Variants in DZIP1L observed in about 807,000 individuals in gnomAD.
DZIP1L encodes cilium assembly protein DZIP1L.
DZIP1L carries 90 observed loss-of-function variants against 88.7 expected under a neutral mutation model. The ratio of observed to expected loss-of-function variants is 1.02; its 90% CI spans 0.86 to 1.21. DZIP1L has a LOEUF of 1.21. Among genes scored for constraint, DZIP1L ranks in the 50% most tolerant of loss-of-function variants. The pLI, the probability that DZIP1L is intolerant of heterozygous loss-of-function variation, is 0.00. For missense variants in DZIP1L, 932 were observed against 955.8 expected (o/e 0.98, Z 0.33); for synonymous variants, 363 against 372.1 (o/e 0.98, Z 0.28).
intron 2 of DZIP1L, chr3:138,101,393 CTG>C (rs904378736): frequency 4.7e-5 from 32 of 685,762 alleles, no homozygotes; most frequent in Admixed American, 1.5e-4. Context: ...CTCCCGTTCC[CTG>C]TGCTACCCTG....
intron 2 of DZIP1L, chr3:138,102,771 G>A: frequency 5.2e-6 from 4 of 767,772 alleles, no homozygotes; most frequent in South Asian, 4.1e-5. Flanking sequence ...CTCCGCCCAG[G>A]TCACCCCGGA....
In DZIP1L at chr3:138,102,386, G is replaced by C. The variant is rs772425939; in HGVS notation, c.501+1085C>G. On this transcript the variant is annotated intron_variant, in intron 2 of 15. Transcript: ENST00000327532. Reference sequence around the variant, plus strand: ...GCTTATTGATCTCATCCTCATACTTGTTCTCGAAGTCCTCCACCCAGCCCC... The same window carrying C: ...GCTTATTGATCTCATCCTCATACTTCTTCTCGAAGTCCTCCACCCAGCCCC... 289 of 1,240,920 alleles carry C rather than the reference G, an allele frequency of 2.3e-4. 1 individual carries two copies. The highest frequency in any genetic ancestry group is 2.0e-4 in the Non-Finnish European group (171 of 850,502). 76.9% of individuals were successfully genotyped at this position (1,240,920 alleles called of 1,614,324 possible).
At chr3:138,102,230 T>G (rs532091788) in intron 2 of DZIP1L, 105 of 1,415,344 alleles carry the variant, frequency 7.4e-5, no homozygotes, top group Admixed American at 1.7e-4. Flanking sequence ...GGATCTCCTC[T>G]TCATACAGCT....
rs1409549832 is a variant in DZIP1L, at chr3:138,067,516, A to C, written c.2002+15T>G. 1.9e-6 allele frequency: 3 copies of C among 1,579,632 alleles called. No individual in the cohort carries two copies. The highest frequency in any genetic ancestry group is 2.7e-5 in the African/African-American group (2 of 72,750). On this transcript the variant is annotated intron_variant, in intron 14 of 15. Coordinates refer to ENST00000327532, the MANE Select transcript of DZIP1L (RefSeq NM_173543.3). Reference sequence around the variant, plus strand: ...CCGGTGGTCCCAGCCCACTCACCCAAAGGTGCCAGCTCACCTGAGCCCTGG... The same window carrying C: ...CCGGTGGTCCCAGCCCACTCACCCACAGGTGCCAGCTCACCTGAGCCCTGG...
In DZIP1L at chr3:138,103,906, G is replaced by A. The variant is rs1456382657; in HGVS notation, c.66C>T (p.Pro22=). The A allele has an allele frequency of 6.2e-7, 1 of 1,613,784 alleles. No individual in the cohort carries two copies. Among genetic ancestry groups the A allele is most frequent in the African/African-American group, 1.3e-5 (1 of 75,076 alleles). The change falls in exon 2 of 16, where the codon CCC becomes CCT. Residue 22 remains proline (P), a synonymous_variant. Coordinates refer to ENST00000327532, the MANE Select transcript of DZIP1L (RefSeq NM_173543.3). ...CATGGCGAGGCTGAAACTTGAAGGT[G>A]GGGAACGTGTAGGCCCCAAAGAGGG... ...SGPLFGAYTF[P]TFKFQPRHDS... is the part of the protein sequence containing the mutation.
At position 138,064,705 on chromosome 3, in the gene DZIP1L, G is replaced by C. The variant is rs201438371; in HGVS notation, c.2065C>G (p.Pro689Ala). ...EKQLEAPAKK[P>A]AGGVSLFFMP... ...AAAAACAGACTGACCCCTCCAGCAG[G>C]CTTCTTTGCTGGAGCTTCTAGCTGC... is the stretch of plus-strand genomic sequence containing the variant. The change falls in exon 15 of 16, where the codon CCT becomes GCT. Residue 689 changes from proline to alanine, a missense_variant. Transcript: ENST00000327532. 5.6e-6 allele frequency: 9 copies of C among 1,611,006 alleles called. No homozygotes were observed. The African/African-American group carries it at 8.0e-5, about 14-fold the overall frequency.
At chr3:138,097,401 A>G (rs1944528488) in intron 3 of DZIP1L, among the ~76,000 whole-genome samples, 1 of 152,192 alleles carries the variant, frequency 6.6e-6, no homozygotes, top group Admixed American at 6.5e-5. Flanking sequence ...GGAACTGCAG[A>G]TTCGCAGAAG....
At chr3:138,072,483 C>A (rs943489525) in intron 11 of DZIP1L, among the ~76,000 whole-genome samples, 4 of 151,750 alleles carry the variant, frequency 2.6e-5, no homozygotes, top group Admixed American at 2.0e-4. Flanking sequence ...CTAAAATAAC[C>A]CTAGTTGTCT....
rs747685387 is a variant in DZIP1L, at chr3:138,084,261, G to A, written c.1063-8C>T. The A allele has an allele frequency of 1.4e-5, 23 of 1,612,350 alleles. No individual in the cohort carries two copies. Among genetic ancestry groups the A allele is most frequent in the South Asian group, 2.2e-5 (2 of 90,920 alleles). On this transcript the variant is annotated splice_polypyrimidine_tract_variant and splice_region_variant and intron_variant, in intron 7 of 15. Coordinates refer to ENST00000327532, the MANE Select transcript of DZIP1L (RefSeq NM_173543.3). ...CTGGTTCTCCTCCTGTAGCTGGCAG[G>A]CACAAGATGGCTGGTCAGTCAAATG...
chr3:138,092,940 G>A (rs1183519925), intron 4 of DZIP1L, among the ~76,000 whole-genome samples: 4 of 152,238 alleles, frequency 2.6e-5, no homozygotes, highest in South Asian at 2.1e-4. Flanking sequence ...AGTCATCCAC[G>A]ATGGCTAGAA....
chr3:138,067,396 G>T, intron 14 of DZIP1L, 135 bp downstream of exon 14: 1 of 1,046,830 alleles, frequency 9.6e-7, no homozygotes, highest in Non-Finnish European at 1.3e-6. Flanking sequence ...TCCTTTCCAA[G>T]CCAAATAGAG....
At position 138,075,008 on chromosome 3, in the gene DZIP1L, T is replaced by C. The variant is rs527818304; in HGVS notation, c.1422+2491A>G. On this transcript the variant is annotated intron_variant, in intron 11 of 15. Transcript: ENST00000327532. ...AAAAGCGAGCAGGAGTAGCTATTCT[T>C]ATAGCAGACAAAACAAACTTTAAAG... Among the ~76,000 whole-genome samples, 10 of 152,270 alleles carry C rather than the reference T, an allele frequency of 6.6e-5. No individual in the cohort carries two copies. The South Asian group carries it at 1.0e-3, about 16-fold the overall frequency.
rs146109164 is a variant in DZIP1L, at chr3:138,103,938, T to C, written c.34A>G (p.Ser12Gly). Reference protein sequence around the residue: ...QSPAATAEGLSGPLFGAYTFP... With the variant: ...QSPAATAEGLGGPLFGAYTFP... Reference sequence around the variant, plus strand: ...GTGTAGGCCCCAAAGAGGGGGCCACTGAGGCCCTCAGCAGTGGCAGCTGGG... The same window carrying C: ...GTGTAGGCCCCAAAGAGGGGGCCACCGAGGCCCTCAGCAGTGGCAGCTGGG... The change falls in exon 2 of 16, where the codon AGT (serine) becomes GGT (glycine). Residue 12 changes from serine (S) to glycine (G), a missense_variant. Ser to Gly is a moderately conservative substitution (Grantham distance 56). Coordinates refer to ENST00000327532, the MANE Select transcript of DZIP1L (RefSeq NM_173543.3). 3.7e-6 allele frequency: 6 copies of C among 1,613,154 alleles called. No homozygotes were observed. In the South Asian group the frequency reaches 6.6e-5, roughly 18 times the overall value.
At chr3:138,088,787 C>A in intron 5 of DZIP1L, 1 of 1,069,090 alleles carries the variant, frequency 9.4e-7, no homozygotes, top group Non-Finnish European at 1.1e-6. Flanking sequence ...ACTCAAAATC[C>A]CGAGCTCTCC....
In DZIP1L at chr3:138,115,428, G is replaced by A. The variant is rs1360060409; in HGVS notation, c.-182C>T. On this transcript the variant is annotated 5_prime_UTR_variant, in exon 1 of 16. Coordinates refer to ENST00000327532, the MANE Select transcript of DZIP1L (RefSeq NM_173543.3). ...CCTCCAGACTTGCTCCACCGCCCCA[G>A]ACAGCCCAGAGATGGTTCCCGGAAT... The A allele has an allele frequency of 6.6e-6, 1 of 152,294 alleles. No homozygotes were observed. The highest frequency in any genetic ancestry group is 1.5e-5 in the Non-Finnish European group (1 of 68,138). The allele number at this position is 152,294 out of a possible 1,614,324, so 9.4% of individuals were successfully genotyped here.
At chr3:138,102,711 G>C in intron 2 of DZIP1L, 3 of 855,234 alleles carry the variant, frequency 3.5e-6, no homozygotes, top group Non-Finnish European at 6.1e-6. Context: ...GCAGGCTCTG[G>C]TTGACAGTGA....
At chr3:138,104,948 T>G (rs970431146) in intron 1 of DZIP1L, among the ~76,000 whole-genome samples, 3 of 152,148 alleles carry the variant, frequency 2.0e-5, no homozygotes, top group Non-Finnish European at 2.9e-5. Context: ...ACAAAGGTAC[T>G]TGTGAAAAAA....
At position 138,062,982 on chromosome 3, in the gene DZIP1L, A is replaced by G. The variant is rs750918953; in HGVS notation, c.2143-5T>C. The G allele has an allele frequency of 2.5e-6, 4 of 1,613,430 alleles. No homozygotes were observed. Among genetic ancestry groups the G allele is most frequent in the Non-Finnish European group, 3.4e-6 (4 of 1,179,720 alleles). ...GTCACTCTCATCTTCAGAAAGCTGC[A>G]GGGGGTAAAGGGGAGAAGAAAATGC... On this transcript the variant is annotated splice_polypyrimidine_tract_variant and splice_region_variant and intron_variant, in intron 15 of 15. Transcript: ENST00000327532.
chr3:138,097,686 T>C, intron 3 of DZIP1L, 77 bp downstream of exon 3: 1 of 1,356,040 alleles, frequency 7.4e-7, no homozygotes, highest in Non-Finnish European at 1.0e-6. Flanking sequence ...GTGCTATAGG[T>C]GGTCACCACC....
Sources: gnomAD v4.1 joint callset for allele counts (sites outside exome capture counted in the v4.1 genomes callset) on GRCh38, gnomAD v4.1.1 for gene constraint, MANE v1.5 for transcripts, NCBI Gene and HGNC (gene_info 2026-07-23, HGNC 2026-07-21) for gene names.